Variants in ZNF536 observed in about 807,000 individuals in gnomAD.
ZNF536 encodes zinc finger protein 536.
A neutral mutation model predicts 84.5 loss-of-function variants in ZNF536; 13 were observed. The observed-to-expected ratio is 0.15, with a 90% confidence interval of 0.10 to 0.24. The LOEUF is 0.24. Ranked by LOEUF, ZNF536 falls within the 10% of genes least tolerant of loss-of-function variation. The pLI, the probability that ZNF536 is intolerant of heterozygous loss-of-function variation, is 1.00. For synonymous variants in ZNF536, 811 were observed against 742.5 expected, an observed-to-expected ratio of 1.09 and a Z score of -1.50; for missense variants, 1,536 against 1,747.5, an observed-to-expected ratio of 0.88 and a Z score of 2.16.
chr19:30,567,908 G>A (rs1355315925), intron 1 of ZNF536, among the ~76,000 whole-genome samples: 2 of 152,096 alleles, frequency 1.3e-5, no homozygotes, highest in African/African-American at 4.8e-5. Flanking sequence ...GGGATCTTAG[G>A]CCTTTGAGGC....
intron 2 of ZNF536, among the ~76,000 whole-genome samples, chr19:30,287,654 GTGGATGGATGGGTGGGTGGATGGA>G (rs1568306137): frequency 9.5e-4 from 103 of 108,874 alleles, no homozygotes; most frequent in African/African-American, 3.7e-3. Flanking sequence ...GGATGGGTGG[GTGGATGGATGGGTGGGTGGATGGA>G]TGGATGGATG....
intron 1 of ZNF536, among the ~76,000 whole-genome samples, chr19:30,240,375 A>G (rs1481764874): frequency 1.7e-5 from 1 of 60,078 alleles, no homozygotes; most frequent in East Asian, 1.3e-3. Flanking sequence ...TCTATCTCAG[A>G]AAAAAAAAAA....
rs147364062 is a variant in ZNF536 at position 30,438,449 on chromosome 19, T to C, written c.-2-5112T>C. Among the ~76,000 whole-genome samples, 51 of 152,298 alleles carry C rather than the reference T, an allele frequency of 3.3e-4. 1 individual carries two copies. Among genetic ancestry groups the C allele is most frequent in the African/African-American group, 1.1e-3 (46 of 41,560 alleles). ...ATAATTTGTGACTCCAGCTCCTGGG[T>C]CACGCAGTGCTGAGTGAAGGGTCAG... is the stretch of plus-strand genomic sequence containing the variant. On this transcript the variant is annotated intron_variant, in intron 1 of 4. Transcript: ENST00000355537.
chr19:30,502,149 A>G (rs560924486), intron 2 of ZNF536, among the ~76,000 whole-genome samples: 1 of 152,368 alleles, frequency 6.6e-6, no homozygotes, highest in Non-Finnish European at 1.5e-5. Context: ...GGGAAGGAAC[A>G]TCAGTCCTAG....
intron 1 of ZNF536, among the ~76,000 whole-genome samples, chr19:30,571,568 G>T (rs1030442965): frequency 6.6e-6 from 1 of 152,132 alleles, no homozygotes; most frequent in African/African-American, 2.4e-5. Context: ...AGACTCAGAG[G>T]GATAGAACGA....
intron 1 of ZNF536, among the ~76,000 whole-genome samples, chr19:30,592,503 C>G (rs1052472059): frequency 6.6e-6 from 1 of 152,120 alleles, no homozygotes; most frequent in Admixed American, 6.5e-5. Context: ...TGAATATTTT[C>G]TTTATTTTTG....
intron 2 of ZNF536, among the ~76,000 whole-genome samples, chr19:30,471,617 A>G (rs879576600): frequency 4.6e-5 from 7 of 152,212 alleles, no homozygotes; most frequent in Non-Finnish European, 8.8e-5. Flanking sequence ...GAAGGGGCAG[A>G]TGGCTGAGGA....
intron 2 of ZNF536, among the ~76,000 whole-genome samples, chr19:30,298,036 A>G (rs1320313286): frequency 6.6e-6 from 1 of 151,794 alleles, no homozygotes; most frequent in Non-Finnish European, 1.5e-5. Context: ...GCGTGCCACC[A>G]TGCCCGGTAA....
chr19:30,690,047 T>C lies in ZNF536; in HGVS notation c.170-20710T>C, dbSNP rs182282340. Among the ~76,000 whole-genome samples the C allele has an allele frequency of 1.4e-4, 21 of 152,336 alleles. No homozygotes were observed. The East Asian group carries it at 3.9e-3, about 28-fold the overall frequency. On this transcript the variant is annotated intron_variant, in intron 1 of 1. Coordinates refer to the ZNF536 transcript ENST00000592773. ...CCAAACTGTGTGTGTAAACACTGTCTTAATTGACTTCAGGTTAGGGAAGTC... is the reference window on the plus strand; with the variant it reads ...CCAAACTGTGTGTGTAAACACTGTCCTAATTGACTTCAGGTTAGGGAAGTC...
At chr19:30,558,509 T>A (rs1451347108), downstream of ZNF536, among the ~76,000 whole-genome samples, 2 of 152,168 alleles carry the variant, frequency 1.3e-5, no homozygotes, top group African/African-American at 4.8e-5. Flanking sequence ...GTTCTTTTCA[T>A]CCTGCGAAGG....
chr19:30,300,862 T>A lies in ZNF536; in HGVS notation c.-120+16721T>A, dbSNP rs575460755. ...ACTCTTCGACGCCTGAGTGCACAAG[T>A]GTGTGTGTGTCTGGAGGTTCGAGTC... On this transcript the variant is annotated intron_variant, in intron 2 of 5. Transcript: ENST00000585628. Among the ~76,000 whole-genome samples the A allele has an allele frequency of 4.4e-4, 66 of 151,694 alleles. 2 individuals are homozygous for A. Among genetic ancestry groups the A allele is most frequent in the African/African-American group, 1.6e-3 (65 of 41,306 alleles).
At chr19:30,664,204 T>TTCTCTCTCTCTCTC (rs71173915) in intron 1 of ZNF536, among the ~76,000 whole-genome samples, 18 of 90,732 alleles carry the variant, frequency 2.0e-4, no homozygotes, top group African/African-American at 3.2e-4. Flanking sequence ...TTGCTGAGTT[T>TTCTCTCTCTCTCTC]TCTCTCTCTC....
At chr19:30,533,674 T>C (rs1351388289) in intron 2 of ZNF536, among the ~76,000 whole-genome samples, 1 of 152,194 alleles carries the variant, frequency 6.6e-6, no homozygotes, top group Non-Finnish European at 1.5e-5. Flanking sequence ...CAGATCTTAT[T>C]TATTGTGATC....
chr19:30,402,173 G>A (rs1032529029), intron 1 of ZNF536, among the ~76,000 whole-genome samples: 1 of 151,924 alleles, frequency 6.6e-6, no homozygotes, highest in African/African-American at 2.4e-5. Context: ...ACTTGCGAGT[G>A]TAAAGAACCT....
At chr19:30,540,014 C>A (rs2045266020) in intron 3 of ZNF536, among the ~76,000 whole-genome samples, 1 of 152,212 alleles carries the variant, frequency 6.6e-6, no homozygotes, top group Non-Finnish European at 1.5e-5. Context: ...TTCTCCCTCT[C>A]GAGTTCTGTG....
At chr19:30,280,632 G>A (rs1434333740) in intron 1 of ZNF536, among the ~76,000 whole-genome samples, 1 of 152,250 alleles carries the variant, frequency 6.6e-6, no homozygotes, top group African/African-American at 2.4e-5. Context: ...CTGGCCTGGA[G>A]GACCGCTCTG....
At chr19:30,457,931 C>T (rs2052932387) in intron 2 of ZNF536, among the ~76,000 whole-genome samples, 1 of 152,330 alleles carries the variant, frequency 6.6e-6, no homozygotes. Context: ...GTGGATACGG[C>T]CCCTCTTCTT....
intron 1 of ZNF536, among the ~76,000 whole-genome samples, chr19:30,420,958 T>C (rs2050931128): frequency 6.6e-6 from 1 of 152,176 alleles, no homozygotes; most frequent in South Asian, 2.1e-4. Flanking sequence ...TTTGGTGGGT[T>C]TCACCGTTCA....
Position 30,266,703 on chromosome 19 carries a change from A to T in ZNF536, c.-189-17369A>T, listed in dbSNP as rs544617435. On this transcript the variant is annotated intron_variant, in intron 1 of 5. Coordinates refer to the ZNF536 transcript ENST00000585628. ...CACGAATTATTTACGTAAACTTCAT[A>T]TATCAAGCATAATACTCCCAACTGT... Among the ~76,000 whole-genome samples, 5 of 152,354 alleles carry T rather than the reference A, an allele frequency of 3.3e-5. No individual in the cohort carries two copies. The East Asian group carries it at 9.6e-4, about 29-fold the overall frequency.
Sources: gnomAD v4.1 joint callset for allele counts (sites outside exome capture counted in the v4.1 genomes callset) on GRCh38, gnomAD v4.1.1 for gene constraint, MANE v1.5 for transcripts, NCBI Gene and HGNC (gene_info 2026-07-23, HGNC 2026-07-21) for gene names.